Variants in SLC15A5 observed in about 807,000 individuals in gnomAD.
SLC15A5 encodes the protein solute carrier family 15 member 5.
In SLC15A5, 58 loss-of-function variants were observed where a neutral mutation model predicts 56.1. The ratio of observed to expected loss-of-function variants is 1.03; its 90% CI spans 0.84 to 1.29. The LOEUF (loss-of-function observed/expected upper bound fraction) is 1.29, where lower values mean the gene tolerates loss of function less well. SLC15A5 is among the 50% of genes most tolerant of loss of function. The pLI is 0.00. For missense variants in SLC15A5, 681 were observed against 672.1 expected (o/e 1.01, Z -0.15); for synonymous variants, 264 against 250.5 (o/e 1.05, Z -0.51).
intron 7 of SLC15A5, among the ~76,000 whole-genome samples, chr12:16,211,066 G>A (rs1864075506): frequency 6.6e-6 from 1 of 152,178 alleles, no homozygotes; most frequent in African/African-American, 2.4e-5. Context: ...GCCTGGCTAA[G>A]GGTGAATTAT....
At chr12:16,213,047 T>C (rs1290030844) in intron 7 of SLC15A5, among the ~76,000 whole-genome samples, 1 of 152,078 alleles carries the variant, frequency 6.6e-6, no homozygotes, top group Non-Finnish European at 1.5e-5. Flanking sequence ...AGAGTCCAGG[T>C]TGATAAAAGT....
chr12:16,254,374 C>G (rs990757567), intron 3 of SLC15A5, among the ~76,000 whole-genome samples: 1 of 151,942 alleles, frequency 6.6e-6, no homozygotes, highest in Admixed American at 6.6e-5. Flanking sequence ...TTTAGTGTTG[C>G]GGCAAGATGA....
chr12:16,228,225 T>C (rs1210441472), intron 5 of SLC15A5, among the ~76,000 whole-genome samples: 2 of 151,968 alleles, frequency 1.3e-5, no homozygotes, highest in East Asian at 3.9e-4. Context: ...AAATAATGAG[T>C]CATCTGCTTA....
Position 16,238,523 on chromosome 12 carries a change from G to A in SLC15A5, c.1162+1158C>T, listed in dbSNP as rs191322667. 2.2e-4 allele frequency among the ~76,000 whole-genome samples: 33 copies of A among 151,546 alleles called. 1 individual carries two copies. The highest frequency in any genetic ancestry group is 8.5e-4 in the Admixed American group (13 of 15,216). On this transcript the variant is annotated intron_variant, in intron 5 of 8. Transcript: ENST00000344941. ...TGGGCACTTGTAGTCCCAGCTACTC[G>A]GGAGGCTGAGGCAGGAGAATGGCGT... is the stretch of plus-strand genomic sequence containing the variant.
intron 2 of SLC15A5, among the ~76,000 whole-genome samples, chr12:16,262,738 G>A (rs1316706981): frequency 6.6e-6 from 1 of 152,132 alleles, no homozygotes. Context: ...GGAGATGATT[G>A]AATCATGGGG....
At chr12:16,224,901 T>A (rs1312345946) in intron 5 of SLC15A5, among the ~76,000 whole-genome samples, 1 of 93,358 alleles carries the variant, frequency 1.1e-5, no homozygotes, top group Admixed American at 1.6e-4. Context: ...CAACAGGCCC[T>A]GGTGTGTGAT....
At chr12:16,222,324 C>G (rs1038165561) in intron 6 of SLC15A5, among the ~76,000 whole-genome samples, 1 of 150,980 alleles carries the variant, frequency 6.6e-6, no homozygotes, top group African/African-American at 2.4e-5. Flanking sequence ...ACCATAGAGC[C>G]TAACCTCTGT....
intron 8 of SLC15A5, 92 bp downstream of exon 8, chr12:16,194,253 C>G: frequency 1.4e-6 from 1 of 713,834 alleles, no homozygotes; most frequent in Non-Finnish European, 2.3e-6. Flanking sequence ...TTTGTCCAGT[C>G]ATGGTGTACA....
intron 5 of SLC15A5, among the ~76,000 whole-genome samples, chr12:16,230,621 A>C (rs1209441514): frequency 6.6e-6 from 1 of 152,052 alleles, no homozygotes; most frequent in African/African-American, 2.4e-5. Context: ...TTTAATTCTT[A>C]AAAAAGACAA....
chr12:16,239,567 C>A, intron 5 of SLC15A5, 114 bp downstream of exon 5: 1 of 1,050,008 alleles, frequency 9.5e-7, no homozygotes, highest in Non-Finnish European at 1.3e-6. Flanking sequence ...ACCTGTTTTC[C>A]ATATTATCAA....
chr12:16,222,823 C>T (rs112871568), intron 6 of SLC15A5, among the ~76,000 whole-genome samples: 1 of 152,178 alleles, frequency 6.6e-6, no homozygotes, highest in African/African-American at 2.4e-5. Context: ...ATTATTTACT[C>T]TATACCAGCC....
intron 7 of SLC15A5, among the ~76,000 whole-genome samples, chr12:16,206,974 A>T (rs1254151296): frequency 6.6e-6 from 1 of 152,182 alleles, no homozygotes; most frequent in Non-Finnish European, 1.5e-5. Flanking sequence ...TCTCATGATG[A>T]TTTCAATGAA....
Position 16,277,622 on chromosome 12 carries a change from C to A in SLC15A5, c.64G>T (p.Glu22Ter). The A allele has an allele frequency of 6.5e-7, 1 of 1,536,246 alleles. No homozygotes were observed. The highest frequency in any genetic ancestry group is 8.7e-7 in the Non-Finnish European group (1 of 1,146,274). Reference protein sequence around the residue: ...KVHLYHSIEKEKTVRHIGDLC... With the variant: ...KVHLYHSIEK ...TCGCCAATATGTCTTACAGTTTTCT[C>A]CTTCTCAATGCTGTGATATAAGTGT... The change falls in exon 1 of 9, where the codon GAG becomes TAG. Residue 22 changes from glutamate (E) to a stop codon, truncating the protein, a stop_gained. Coordinates refer to ENST00000344941, the MANE Select transcript of SLC15A5 (RefSeq NM_001170798.1). LOFTEE classifies it high-confidence loss of function.
intron 5 of SLC15A5, among the ~76,000 whole-genome samples, chr12:16,231,581 A>C (rs1219130611): frequency 6.6e-6 from 1 of 152,170 alleles, no homozygotes; most frequent in African/African-American, 2.4e-5. Flanking sequence ...GGAAAACTGC[A>C]AGGACTGGTT....
At chr12:16,207,340 G>A (rs10772906) in intron 7 of SLC15A5, among the ~76,000 whole-genome samples, 58,947 of 152,052 alleles carry the variant, frequency 0.39, 12,280 homozygotes, top group East Asian at 0.59. Context: ...TGTACAGTCT[G>A]TTCTTCATTT....
chr12:16,230,538 T>C (rs1864285596), intron 5 of SLC15A5, among the ~76,000 whole-genome samples: 1 of 152,166 alleles, frequency 6.6e-6, no homozygotes, highest in African/African-American at 2.4e-5. Context: ...AATTATTCAA[T>C]TTGTTTACAA....
intron 6 of SLC15A5, among the ~76,000 whole-genome samples, chr12:16,221,175 A>G (rs997990237): frequency 6.6e-6 from 1 of 152,202 alleles, no homozygotes; most frequent in Non-Finnish European, 1.5e-5. Flanking sequence ...TCTTCAATCA[A>G]AATGTATTTA....
intron 6 of SLC15A5, among the ~76,000 whole-genome samples, chr12:16,218,136 C>G (rs1236802825): frequency 6.6e-6 from 1 of 151,982 alleles, no homozygotes; most frequent in Non-Finnish European, 1.5e-5. Context: ...AGAAATGAAA[C>G]AAGTTTTGGC....
intron 4 of SLC15A5, among the ~76,000 whole-genome samples, chr12:16,241,071 T>G (rs1295269916): frequency 6.6e-6 from 1 of 152,174 alleles, no homozygotes; most frequent in Non-Finnish European, 1.5e-5. Flanking sequence ...CCTCAGCCTC[T>G]CAAAGTGCTG....
Sources: allele counts gnomAD v4.1 joint callset (sites outside exome capture counted in the v4.1 genomes callset), GRCh38; gene constraint gnomAD v4.1.1; transcripts MANE v1.5; gene names NCBI Gene and HGNC (gene_info 2026-07-23, HGNC 2026-07-21).